KCNIP4: variants seen among roughly 807,000 people sequenced by gnomAD.
KCNIP4 encodes Kv channel-interacting protein 4.
In KCNIP4, 12 loss-of-function variants were observed where a neutral mutation model predicts 34.0. That is an observed-to-expected ratio of 0.35 (90% CI 0.23 to 0.57). The LOEUF is 0.57. Among genes scored for constraint, KCNIP4 ranks in the 20% least tolerant of loss-of-function variants. KCNIP4 has a pLI of 0.83. For missense variants in KCNIP4, 238 were observed against 311.7 expected (o/e 0.76, Z 1.78); for synonymous variants, 124 against 102.2 (o/e 1.21, Z -1.29).
chr4:21,200,594 A>T (rs995682482), intron 1 of KCNIP4, among the ~76,000 whole-genome samples: 3 of 151,788 alleles, frequency 2.0e-5, no homozygotes, highest in African/African-American at 7.3e-5. Context: ...TGGGTATGAA[A>T]AGGCATACAG....
At position 21,259,920 on chromosome 4, in the gene KCNIP4, T is replaced by TGTGTGTGTGTGCGC. The variant is rs755266993; in HGVS notation, c.62-377212_62-377211insGCGCACACACACAC. Among the ~76,000 whole-genome samples the TGTGTGTGTGTGCGC allele has an allele frequency of 9.3e-5, 14 of 150,200 alleles. No homozygotes were observed. The East Asian group carries it at 1.2e-3, about 13-fold the overall frequency. On this transcript the variant is annotated intron_variant, in intron 1 of 8. Transcript: ENST00000382152. The stretch of plus-strand genomic sequence containing the variant: ...GTGTGTGTGTGTGTGTGTGTGTGTG[T>TGTGTGTGTGTGCGC]GCACGTGCGCTTATGTGCATTGTGC...
intron 1 of KCNIP4, among the ~76,000 whole-genome samples, chr4:21,154,570 T>C (rs1342267894): frequency 1.3e-5 from 2 of 152,238 alleles, no homozygotes; most frequent in South Asian, 2.1e-4. Flanking sequence ...AGATCTGCAA[T>C]GGAGATGAAC....
rs545950871 is a variant in KCNIP4 at position 21,659,311 on chromosome 4, C to T, written c.61+289260G>A. ...TTAATTTGATTCAAAGCAGTTTTAA[C>T]CATAAATTTTTAAAATCTTACTAAG... On this transcript the variant is annotated intron_variant, in intron 1 of 8. Coordinates refer to ENST00000382152, the MANE Select transcript of KCNIP4 (RefSeq NM_025221.6). 3.3e-5 allele frequency among the ~76,000 whole-genome samples: 5 copies of T among 152,138 alleles called. No homozygotes were observed. The South Asian group carries it at 8.3e-4, about 25-fold the overall frequency.
intron 1 of KCNIP4, among the ~76,000 whole-genome samples, chr4:21,170,777 G>A (rs758764672): frequency 3.9e-5 from 6 of 152,108 alleles, no homozygotes; most frequent in Non-Finnish European, 7.4e-5. Context: ...TAATACACCT[G>A]CTTTTAATAA....
intron 1 of KCNIP4, among the ~76,000 whole-genome samples, chr4:21,380,853 C>CAT (rs1721443762): frequency 1.3e-5 from 2 of 151,778 alleles, no homozygotes; most frequent in Admixed American, 1.3e-4. Context: ...CACACACACA[C>CAT]ACACACGAAT....
chr4:21,798,562 A>AAAAGAAAGAAAG (rs71193411), intron 1 of KCNIP4, among the ~76,000 whole-genome samples: 5 of 116,896 alleles, frequency 4.3e-5, no homozygotes, highest in African/African-American at 1.1e-4. Flanking sequence ...GAGAGAAAGA[A>AAAAGAAAGAAAG]AAAGAAAGAA....
At chr4:20,945,171 G>A (rs1732063265) in intron 1 of KCNIP4, among the ~76,000 whole-genome samples, 1 of 152,176 alleles carries the variant, frequency 6.6e-6, no homozygotes, top group African/African-American at 2.4e-5. Context: ...TAAAAATGCA[G>A]AATAGCAGGT....
At chr4:20,830,097 CAG>C (rs141338133) in intron 3 of KCNIP4, among the ~76,000 whole-genome samples, 1 of 152,234 alleles carries the variant, frequency 6.6e-6, no homozygotes, top group East Asian at 1.9e-4. Context: ...TCAAAAAGGT[CAG>C]AGTCATCTCT....
At chr4:21,880,025 G>T (rs1286452513) in intron 1 of KCNIP4, among the ~76,000 whole-genome samples, 3 of 152,080 alleles carry the variant, frequency 2.0e-5, no homozygotes, top group African/African-American at 7.2e-5. Flanking sequence ...CCCCAGCCCT[G>T]CAAAAGTGTG....
intron 1 of KCNIP4, among the ~76,000 whole-genome samples, chr4:21,234,662 A>G (rs1759214915): frequency 6.8e-6 from 1 of 147,812 alleles, no homozygotes; most frequent in Non-Finnish European, 1.5e-5. Context: ...TGTTATATAT[A>G]TATTTTAGTC....
chr4:21,862,217 G>A (rs1725117647), intron 1 of KCNIP4, among the ~76,000 whole-genome samples: 1 of 152,150 alleles, frequency 6.6e-6, no homozygotes, highest in South Asian at 2.1e-4. Context: ...TTGTTTCTCA[G>A]AAGGAGGTCA....
intron 1 of KCNIP4, among the ~76,000 whole-genome samples, chr4:21,678,396 G>C (rs1750080875): frequency 6.9e-6 from 1 of 144,264 alleles, no homozygotes; most frequent in Non-Finnish European, 1.5e-5. Context: ...CAATAGACTG[G>C]ATATAGCCCA....
intron 1 of KCNIP4, among the ~76,000 whole-genome samples, chr4:20,907,067 A>G (rs1377862624): frequency 6.6e-6 from 1 of 152,184 alleles, no homozygotes; most frequent in Admixed American, 6.5e-5. Flanking sequence ...ATGAGAGTAT[A>G]TGTGTGTAGT....
intron 1 of KCNIP4, among the ~76,000 whole-genome samples, chr4:21,317,924 A>C (rs1387931951): frequency 1.3e-5 from 2 of 152,200 alleles, no homozygotes; most frequent in African/African-American, 4.8e-5. Context: ...AGGCCTCCCC[A>C]GCCATGTGGA....
intron 3 of KCNIP4, among the ~76,000 whole-genome samples, chr4:20,812,114 C>T (rs975184894): frequency 3.3e-5 from 5 of 151,984 alleles, no homozygotes; most frequent in Admixed American, 1.3e-4. Flanking sequence ...GACATGTTTG[C>T]GTAAAGAAAG....
intron 1 of KCNIP4, among the ~76,000 whole-genome samples, chr4:21,890,831 G>A (rs1439664804): frequency 6.6e-6 from 1 of 152,114 alleles, no homozygotes. Flanking sequence ...ATGGTACAAT[G>A]TCCAAGAAGC....
intron 1 of KCNIP4, among the ~76,000 whole-genome samples, chr4:21,635,401 T>G (rs921899278): frequency 6.6e-6 from 1 of 152,306 alleles, no homozygotes; most frequent in Admixed American, 6.5e-5. Flanking sequence ...CAGGATGTGC[T>G]TCTTTTAACA....
At chr4:21,238,956 G>T (rs550729070) in intron 1 of KCNIP4, among the ~76,000 whole-genome samples, 1 of 152,198 alleles carries the variant, frequency 6.6e-6, no homozygotes, top group South Asian at 2.1e-4. Flanking sequence ...GAGGCATCAC[G>T]CTACTTGACT....
chr4:21,488,239 C>T (rs1732086043), intron 1 of KCNIP4, among the ~76,000 whole-genome samples: 1 of 152,178 alleles, frequency 6.6e-6, no homozygotes, highest in Admixed American at 6.5e-5. Flanking sequence ...TAAACTTATC[C>T]CTTTGCTTAT....
Sources: allele counts gnomAD v4.1 joint callset (sites outside exome capture counted in the v4.1 genomes callset), GRCh38; gene constraint gnomAD v4.1.1; transcripts MANE v1.5; gene names NCBI Gene and HGNC (gene_info 2026-07-23, HGNC 2026-07-21).